Variants in APBA1 observed in about 807,000 individuals in gnomAD.
APBA1 encodes amyloid-beta A4 precursor protein-binding family A member 1.
APBA1 carries 55 observed loss-of-function variants against 86.6 expected under a neutral mutation model. That is an observed-to-expected ratio of 0.64 (90% CI 0.51 to 0.80). The LOEUF (loss-of-function observed/expected upper bound fraction) is 0.80, where lower values mean the gene tolerates loss of function less well. Ranked by LOEUF, APBA1 falls within the 30% of genes least tolerant of loss-of-function variation. The pLI is 0.00. For missense variants in APBA1, 1,090 were observed against 1,183.0 expected (o/e 0.92, Z 1.15); for synonymous variants, 511 against 493.9 (o/e 1.03, Z -0.46).
chr9:69,636,319 A>T (rs977208140), intron 1 of APBA1, among the ~76,000 whole-genome samples: 1 of 152,242 alleles, frequency 6.6e-6, no homozygotes, highest in South Asian at 2.1e-4. Context: ...TAATACAGCC[A>T]CTATGGAGAA....
chr9:69,615,050 A>C (rs1248845927), intron 1 of APBA1, among the ~76,000 whole-genome samples: 1 of 152,146 alleles, frequency 6.6e-6, no homozygotes, highest in African/African-American at 2.4e-5. Flanking sequence ...AAATACAAAA[A>C]TTAGCTGGGC....
At chr9:69,633,793 A>C (rs1443914448) in intron 1 of APBA1, among the ~76,000 whole-genome samples, 1 of 152,214 alleles carries the variant, frequency 6.6e-6, no homozygotes, top group Non-Finnish European at 1.5e-5. Flanking sequence ...CCCTGTTAGC[A>C]ACCAAGCCAC....
intron 1 of APBA1, among the ~76,000 whole-genome samples, chr9:69,518,307 A>G (rs1272191029): frequency 6.6e-6 from 1 of 152,182 alleles, no homozygotes; most frequent in Admixed American, 6.5e-5. Context: ...ATGGATTTTT[A>G]TATCCACTGG....
intron 2 of APBA1, among the ~76,000 whole-genome samples, chr9:69,513,482 T>C (rs1198230948): frequency 1.3e-5 from 2 of 152,260 alleles, no homozygotes; most frequent in Non-Finnish European, 2.9e-5. Context: ...AGCCAGCCTT[T>C]TGTCAACTCC....
At chr9:69,551,456 G>A (rs1038464907) in intron 1 of APBA1, among the ~76,000 whole-genome samples, 5 of 151,862 alleles carry the variant, frequency 3.3e-5, no homozygotes, top group Non-Finnish European at 7.4e-5. Flanking sequence ...GGGAGGCTGG[G>A]GCAAGAGAAT....
intron 1 of APBA1, among the ~76,000 whole-genome samples, chr9:69,630,142 T>A (rs984249190): frequency 6.6e-5 from 10 of 150,758 alleles, no homozygotes; most frequent in African/African-American, 2.4e-4. Context: ...AATGGGGCAG[T>A]CAGGGTAGGC....
intron 1 of APBA1, among the ~76,000 whole-genome samples, chr9:69,659,837 C>T (rs1823715869): frequency 6.6e-6 from 1 of 152,222 alleles, no homozygotes; most frequent in Non-Finnish European, 1.5e-5. Flanking sequence ...ATGGATCTCT[C>T]TTCCAGGTTA....
chr9:69,475,579 A>G (rs771840994), intron 3 of APBA1, among the ~76,000 whole-genome samples: 1 of 152,192 alleles, frequency 6.6e-6, no homozygotes, highest in Non-Finnish European at 1.5e-5. Flanking sequence ...ATTCTTACGA[A>G]AGATATCTCA....
At chr9:69,581,300 G>A (rs1821909121) in intron 1 of APBA1, among the ~76,000 whole-genome samples, 1 of 152,142 alleles carries the variant, frequency 6.6e-6, no homozygotes, top group South Asian at 2.1e-4. Flanking sequence ...TGAAAAGTAA[G>A]AGCAGCCCCT....
chr9:69,550,973 A>G (rs1223954882), intron 1 of APBA1, among the ~76,000 whole-genome samples: 1 of 152,248 alleles, frequency 6.6e-6, no homozygotes, highest in Non-Finnish European at 1.5e-5. Context: ...AAGTAAATAT[A>G]CATAAAATAC....
chr9:69,652,329 C>T (rs182115938), intron 1 of APBA1, among the ~76,000 whole-genome samples: 4 of 152,244 alleles, frequency 2.6e-5, no homozygotes, highest in South Asian at 4.2e-4. Flanking sequence ...ATCTGACTCT[C>T]GCTGGGAGAA....
chr9:69,506,308 GACA>G (rs1285137171), intron 2 of APBA1, among the ~76,000 whole-genome samples: 2 of 149,616 alleles, frequency 1.3e-5, no homozygotes, highest in Non-Finnish European at 3.0e-5. Context: ...AGGGGTGACG[GACA>G]CACCTGGAAA....
chr9:69,589,196 T>A (rs1246512259), intron 1 of APBA1, among the ~76,000 whole-genome samples: 1 of 152,178 alleles, frequency 6.6e-6, no homozygotes, highest in Non-Finnish European at 1.5e-5. Flanking sequence ...GCTCAAGCGA[T>A]CCACCTGCCT....
chr9:69,643,939 T>G (rs1823341686), intron 1 of APBA1, among the ~76,000 whole-genome samples: 1 of 152,228 alleles, frequency 6.6e-6, no homozygotes, highest in Non-Finnish European at 1.5e-5. Context: ...TCAAGGTCTG[T>G]TTTTGTGTTT....
intron 1 of APBA1, among the ~76,000 whole-genome samples, chr9:69,630,913 A>T (rs1823029530): frequency 6.6e-6 from 1 of 152,216 alleles, no homozygotes; most frequent in Non-Finnish European, 1.5e-5. Flanking sequence ...ACAGTCAGTA[A>T]AGAAGATAGA....
chr9:69,484,374 A>C (rs1322082595), intron 2 of APBA1, among the ~76,000 whole-genome samples: 2 of 152,128 alleles, frequency 1.3e-5, no homozygotes, highest in African/African-American at 4.8e-5. Context: ...AGGAGGCACA[A>C]ATGAGCCTGC....
chr9:69,490,282 C>T (rs1306804691), intron 2 of APBA1, among the ~76,000 whole-genome samples: 2 of 151,476 alleles, frequency 1.3e-5, no homozygotes, highest in African/African-American at 2.4e-5. Flanking sequence ...AATGAGAACA[C>T]ATGGACACAG....
At chr9:69,584,220 CGT>C (rs145506611) in intron 1 of APBA1, among the ~76,000 whole-genome samples, 3 of 151,234 alleles carry the variant, frequency 2.0e-5, no homozygotes, top group Non-Finnish European at 4.4e-5. Flanking sequence ...TGTACATCTC[CGT>C]GTGTGTGTGT....
At chr9:69,439,289 G>A (rs1834763416) in intron 11 of APBA1, among the ~76,000 whole-genome samples, 1 of 143,810 alleles carries the variant, frequency 7.0e-6, no homozygotes, top group South Asian at 2.4e-4. Context: ...TATCTTTGTG[G>A]CGTTCTCTGT....
Sources: allele counts gnomAD v4.1 joint callset (sites outside exome capture counted in the v4.1 genomes callset), GRCh38; gene constraint gnomAD v4.1.1; transcripts MANE v1.5; gene names NCBI Gene and HGNC (gene_info 2026-07-23, HGNC 2026-07-21).